ARHGAP5: variants seen among roughly 807,000 people sequenced by gnomAD.
ARHGAP5 encodes Rho GTPase activating protein 5.
A neutral mutation model predicts 116.6 loss-of-function variants in ARHGAP5; 23 were observed. The observed-to-expected ratio is 0.20, with a 90% confidence interval of 0.14 to 0.28. The LOEUF is 0.28. Ranked by LOEUF, ARHGAP5 falls within the 10% of genes least tolerant of loss-of-function variation. ARHGAP5 has a pLI of 1.00. For missense variants in ARHGAP5, 1,405 were observed against 1,774.8 expected (o/e 0.79, Z 3.74); for synonymous variants, 574 against 602.0 (o/e 0.95, Z 0.68).
chr14:32,085,141 G>A (rs2041816121), intron 1 of ARHGAP5, among the ~76,000 whole-genome samples: 1 of 152,066 alleles, frequency 6.6e-6, no homozygotes, highest in Non-Finnish European at 1.5e-5. Context: ...AAATTTACCA[G>A]AAATAGCAAC....
intron 2 of ARHGAP5, among the ~76,000 whole-genome samples, chr14:32,116,398 G>A (rs1463911541): frequency 2.0e-5 from 3 of 151,144 alleles, no homozygotes; most frequent in African/African-American, 7.3e-5. Flanking sequence ...AGACCATCCT[G>A]GTTAACACGG....
rs144722297 is a variant in ARHGAP5 at position 32,082,898 on chromosome 14, A to G, written c.-169+5463A>G. ...TGCATTTAGCCTGTAGTATTTGTCTATCTCTTGGGCTCTGTGCCCAGTCTT... is the reference window on the plus strand; with the variant it reads ...TGCATTTAGCCTGTAGTATTTGTCTGTCTCTTGGGCTCTGTGCCCAGTCTT... On this transcript the variant is annotated intron_variant, in intron 1 of 6. Coordinates refer to ENST00000345122, the MANE Select transcript of ARHGAP5 (RefSeq NM_001030055.2). Among the ~76,000 whole-genome samples, 281 of 152,278 alleles carry G rather than the reference A, an allele frequency of 1.8e-3. 1 individual carries two copies. Among genetic ancestry groups the G allele is most frequent in the African/African-American group, 6.5e-3 (269 of 41,570 alleles).
intron 2 of ARHGAP5, among the ~76,000 whole-genome samples, chr14:32,105,197 G>C (rs538626425): frequency 1.3e-5 from 2 of 152,030 alleles, no homozygotes; most frequent in African/African-American, 4.8e-5. Flanking sequence ...AGAAAGGTAG[G>C]GTTTTCCATA....
At chr14:32,120,172 GTTGT>G (rs566298701) in intron 3 of ARHGAP5, among the ~76,000 whole-genome samples, 11 of 151,966 alleles carry the variant, frequency 7.2e-5, no homozygotes, top group Non-Finnish European at 1.5e-4. Flanking sequence ...GTAAGCATTG[GTTGT>G]TTGTGTGTTT....
intron 3 of ARHGAP5, among the ~76,000 whole-genome samples, chr14:32,134,842 A>G (rs1402005518): frequency 6.6e-6 from 1 of 152,176 alleles, no homozygotes; most frequent in African/African-American, 2.4e-5. Flanking sequence ...GATGTCATTT[A>G]TGCATGTCTG....
intron 3 of ARHGAP5, among the ~76,000 whole-genome samples, chr14:32,125,615 T>G (rs548808874): frequency 9.6e-4 from 147 of 152,338 alleles, no homozygotes; most frequent in Non-Finnish European, 1.7e-3. Context: ...GGGTTCAAAT[T>G]TCTCCATGTT....
rs1183636500 is a variant in ARHGAP5, at chr14:32,124,233, G to C, written c.3865+6946G>C. Among the ~76,000 whole-genome samples, 3 of 152,084 alleles carry C rather than the reference G, an allele frequency of 2.0e-5. No individual in the cohort carries two copies. In the South Asian group the frequency reaches 6.2e-4, roughly 32 times the overall value. On this transcript the variant is annotated intron_variant, in intron 3 of 6. Coordinates refer to ENST00000345122, the MANE Select transcript of ARHGAP5 (RefSeq NM_001030055.2). ...GCTGCTTTTTCCCTCATGGATCATG[G>C]TTTTGAACTGTGATTAATGTTCATG...
intron 1 of ARHGAP5, among the ~76,000 whole-genome samples, chr14:32,081,181 G>A (rs1383611634): frequency 6.6e-6 from 1 of 152,082 alleles, no homozygotes; most frequent in Admixed American, 6.5e-5. Context: ...TATATTTAGG[G>A]AAGTACATAC....
chr14:32,114,557 A>G (rs972810398), intron 2 of ARHGAP5, among the ~76,000 whole-genome samples: 1 of 152,156 alleles, frequency 6.6e-6, no homozygotes, highest in African/African-American at 2.4e-5. Context: ...TGAGCCAGAA[A>G]CAGACACTCC....
rs750575178 is a variant in ARHGAP5, at chr14:32,094,021, C to T, written c.3352C>T (p.Arg1118Cys). Residue 1118 changes from arginine to cysteine, a missense_variant, in exon 2 of 7, where the codon CGT (arginine) becomes TGT (cysteine). By Grantham distance (180) the Arg-to-Cys change is radical (BLOSUM62 -3). Around this residue, in one of 6 missense-constraint regions of ARHGAP5, gnomAD observed 944 missense variants for 1,095.3 expected, o/e 0.86. Coordinates refer to ENST00000345122, the MANE Select transcript of ARHGAP5 (RefSeq NM_001030055.2). ...IYVVPDDSQN[R>C]IKIRNSFVNN... ...TGTTGTCCCAGATGATAGTCAAAAT[C>T]GTATTAAAATTCGAAACTCATTTGT... The T allele has an allele frequency of 6.7e-5, 108 of 1,612,862 alleles. No homozygotes were observed. Among genetic ancestry groups the T allele is most frequent in the Non-Finnish European group, 8.9e-5 (105 of 1,179,756 alleles).
intron 2 of ARHGAP5, among the ~76,000 whole-genome samples, chr14:32,116,619 A>G (rs1879613121): frequency 6.6e-6 from 1 of 152,164 alleles, no homozygotes; most frequent in South Asian, 2.1e-4. Flanking sequence ...TAAAATAAAA[A>G]TAAAAAGCAT....
At chr14:32,104,306 A>G (rs1191412952) in intron 2 of ARHGAP5, among the ~76,000 whole-genome samples, 2 of 152,198 alleles carry the variant, frequency 1.3e-5, no homozygotes, top group Non-Finnish European at 2.9e-5. Flanking sequence ...CATATATAAT[A>G]TATGTTGAAA....
intron 3 of ARHGAP5, among the ~76,000 whole-genome samples, chr14:32,134,026 G>C (rs1259616126): frequency 6.6e-6 from 1 of 152,060 alleles, no homozygotes; most frequent in Non-Finnish European, 1.5e-5. Flanking sequence ...CTAAAAAAGG[G>C]AATTTTAGAC....
rs1170888520 is a variant in ARHGAP5 at position 32,158,346 on chromosome 14, A to G, written c.*3398A>G. On this transcript the variant is annotated 3_prime_UTR_variant, in exon 7 of 7. Coordinates refer to ENST00000345122, the MANE Select transcript of ARHGAP5 (RefSeq NM_001030055.2). Reference sequence around the variant, plus strand: ...AGGTGAAAATTTGATTTTTTAAATTATCAGGAAAACAAGATAATGCACAGA... The same window carrying G: ...AGGTGAAAATTTGATTTTTTAAATTGTCAGGAAAACAAGATAATGCACAGA... 1.3e-5 allele frequency: 2 copies of G among 152,004 alleles called. No homozygotes were observed. Among genetic ancestry groups the G allele is most frequent in the Admixed American group, 6.6e-5 (1 of 15,264 alleles). The allele number at this position is 152,004 out of a possible 1,614,324, so 9.4% of individuals were successfully genotyped here.
chr14:32,135,871 C>T (rs1198265715), intron 3 of ARHGAP5, among the ~76,000 whole-genome samples: 1 of 152,170 alleles, frequency 6.6e-6, no homozygotes, highest in Non-Finnish European at 1.5e-5. Flanking sequence ...ACCAAATGAT[C>T]AAATAATTAT....
rs1333361053 is a variant in ARHGAP5, at chr14:32,091,074, T to G, written c.405T>G (p.Thr135=). Residue 135 remains threonine, a synonymous_variant, in exon 2 of 7, where the codon ACT becomes ACG. Transcript: ENST00000345122. ...CAGAAAAACTAATGTACATTTGCACTGATCAGCTAGGCTTAGAACAAGACT... is the reference window on the plus strand; with the variant it reads ...CAGAAAAACTAATGTACATTTGCACGGATCAGCTAGGCTTAGAACAAGACT... ...QSAEKLMYIC[T]DQLGLEQDFE... is the part of the protein sequence containing the mutation. 3 of 1,613,582 alleles carry G rather than the reference T, an allele frequency of 1.9e-6. No individual in the cohort carries two copies. Among genetic ancestry groups the G allele is most frequent in the Non-Finnish European group, 2.5e-6 (3 of 1,179,682 alleles).
intron 2 of ARHGAP5, among the ~76,000 whole-genome samples, chr14:32,104,440 C>G (rs759255721): frequency 2.6e-5 from 4 of 152,012 alleles, no homozygotes; most frequent in Admixed American, 6.5e-5. Context: ...TTTTTATTTC[C>G]TCTTTTCACC....
intron 2 of ARHGAP5, among the ~76,000 whole-genome samples, chr14:32,116,101 T>TA: frequency 7.0e-6 from 1 of 142,168 alleles, no homozygotes; most frequent in East Asian, 2.2e-4. Context: ...TCCTGGCTGA[T>TA]ACGGTGAAAC....
At chr14:32,088,057 A>C (rs1448378048) in intron 1 of ARHGAP5, among the ~76,000 whole-genome samples, 1 of 152,046 alleles carries the variant, frequency 6.6e-6, no homozygotes, top group Non-Finnish European at 1.5e-5. Context: ...CTATCTTAAC[A>C]TATAGAGTAT....
Sources: allele counts gnomAD v4.1 joint callset (sites outside exome capture counted in the v4.1 genomes callset), GRCh38; gene constraint gnomAD v4.1.1; regional missense constraint gnomAD v4.1.1; transcripts MANE v1.5; gene names NCBI Gene and HGNC (gene_info 2026-07-23, HGNC 2026-07-21).